The following TRPV6 variants were observed in gnomAD, a reference collection of about 807,000 sequenced individuals.
The protein encoded by TRPV6 is Alu-binding protein with zinc finger domain.
Under a neutral mutation model 79.0 loss-of-function variants are expected in TRPV6, and 39 were observed. The ratio of observed to expected loss-of-function variants is 0.49; its 90% confidence interval spans 0.38 to 0.64. The LOEUF is 0.64. Among genes scored for constraint, TRPV6 ranks in the 30% least tolerant of loss-of-function variants. The pLI, the probability that TRPV6 is intolerant of heterozygous loss-of-function variation, is 0.00. For synonymous variants in TRPV6, 373 were observed against 391.9 expected (o/e 0.95, Z 0.57); for missense variants, 813 against 1,011.1 (o/e 0.80, Z 2.66).
chr7:142,875,892 G>A lies in TRPV6; in HGVS notation c.895C>T (p.Leu299=), dbSNP rs755823257. The A allele has an allele frequency of 6.3e-7, 1 of 1,584,782 alleles. No homozygotes were observed. The highest frequency in any genetic ancestry group is 8.6e-7 in the Non-Finnish European group (1 of 1,167,006). ...TGGGTGTGCTTCCGCTTCTGCATCA[G>A]GTGCTGAAACATCTAAGGGAAAGTG... The change falls in exon 7 of 15, where the codon CTG becomes TTG. Residue 299 remains leucine (L), a synonymous_variant. Transcript: ENST00000359396.
Position 142,875,125 on chromosome 7 carries a change from C to T in TRPV6, c.1282G>A (p.Gly428Arg), listed in dbSNP as rs1327315227. ...GCCCCAATGACAGTCACCAGCTCCC[C>T]GACCAGCCGGATATCGTCCTTAGGG... The change falls in exon 9 of 15, where the codon GGG becomes AGG. Residue 428 changes from glycine (G) to arginine (R), a missense_variant. Around this residue, in one of 3 missense-constraint regions of TRPV6, gnomAD observed 555 missense variants for 631.0 expected, o/e 0.88. Transcript: ENST00000359396. The T allele has an allele frequency of 4.3e-6, 7 of 1,613,936 alleles. No homozygotes were observed. The highest frequency in any genetic ancestry group is 2.2e-5 in the East Asian group (1 of 44,858).
At position 142,876,847 on chromosome 7, in the gene TRPV6, CAG is replaced by C. The variant is rs748717600; in HGVS notation, c.608-12_608-11del. 2 of 1,614,014 alleles carry C rather than the reference CAG, an allele frequency of 1.2e-6. No homozygotes were observed. Among genetic ancestry groups the C allele is most frequent in the East Asian group, 2.2e-5 (1 of 44,878 alleles). ...GACAAAGGGTGCTCCCCTGTGGACACAGAGAGATCTATGGTAGGAGAGTGCAG... is the reference window on the plus strand; with the variant it reads ...GACAAAGGGTGCTCCCCTGTGGACACAGAGATCTATGGTAGGAGAGTGCAG... On this transcript the variant is annotated splice_polypyrimidine_tract_variant and intron_variant, in intron 4 of 14. Transcript: ENST00000359396.
Position 142,874,472 on chromosome 7 carries a change from G to A in TRPV6, c.1572+19C>T. The A allele has an allele frequency of 2.5e-6, 4 of 1,613,808 alleles. No individual in the cohort carries two copies. The highest frequency in any genetic ancestry group is 3.4e-6 in the Non-Finnish European group (4 of 1,179,734). ...TGGCTCTGGGGCCTTTCTCTAGGGA[G>A]CTTGGGGGGAGGACTGACCTTCTGA... On this transcript the variant is annotated intron_variant, in intron 11 of 14. Transcript: ENST00000359396.
Position 142,875,543 on chromosome 7 carries a change from G to A in TRPV6, c.1167C>T (p.Tyr389=). The change falls in exon 8 of 15, where the codon TAC becomes TAT. Residue 389 remains tyrosine (Y), a synonymous_variant. Coordinates refer to ENST00000359396, the MANE Select transcript of TRPV6 (RefSeq NM_018646.6). ...TATTGGTCCTGGGCTTGAGGGGGCG[G>A]TAGATGCAGCACATGGTGAAGCAGA... The A allele has an allele frequency of 1.2e-6, 2 of 1,612,556 alleles. No homozygotes were observed. The highest frequency in any genetic ancestry group is 1.7e-6 in the Non-Finnish European group (2 of 1,179,818).
intron 5 of TRPV6, 75 bp downstream of exon 5, chr7:142,876,664 G>T: frequency 6.2e-7 from 1 of 1,612,022 alleles, no homozygotes; most frequent in South Asian, 1.1e-5. Context: ...TCTTCCTGAA[G>T]GTCCCAGCCC....
At chr7:142,879,295 G>A (rs940470823) in intron 1 of TRPV6, 18 of 151,978 alleles carry the variant, frequency 1.2e-4, no homozygotes, top group African/African-American at 1.9e-4. Context: ...TCCACTTCTC[G>A]CTTGTTTTAG....
chr7:142,874,105 A>G lies in TRPV6; in HGVS notation c.1610T>C (p.Met537Thr). The change falls in exon 12 of 15, where the codon ATG (methionine) becomes ACG (threonine). Residue 537 changes from methionine (M) to threonine (T), a missense_variant. Met to Thr is a moderately conservative substitution (Grantham distance 81, BLOSUM62 -1). Transcript: ENST00000359396. Reference sequence around the variant, plus strand: ...AGCAAAGCCCAGGATGACCACAGCCATCAGCCAGCAGAATCGCATCAGGTC... The same window carrying G: ...AGCAAAGCCCAGGATGACCACAGCCGTCAGCCAGCAGAATCGCATCAGGTC... 1 of 1,613,954 alleles carries G rather than the reference A, an allele frequency of 6.2e-7. No homozygotes were observed. Among genetic ancestry groups the G allele is most frequent in the East Asian group, 2.2e-5 (1 of 44,882 alleles).
intron 1 of TRPV6, chr7:142,883,796 C>G (rs890976441): frequency 6.6e-6 from 1 of 152,256 alleles, no homozygotes; most frequent in Non-Finnish European, 1.5e-5. Flanking sequence ...CACCTGATAT[C>G]CAGCAAGAAG....
Position 142,874,995 on chromosome 7 carries a change from G to A in TRPV6, c.1330-15C>T. ...ATGTCTGGAACCTGAAGAGGTCAGGGAGACACAAAGGCACTCAGATACCGG... is the reference window on the plus strand; with the variant it reads ...ATGTCTGGAACCTGAAGAGGTCAGGAAGACACAAAGGCACTCAGATACCGG... On this transcript the variant is annotated splice_polypyrimidine_tract_variant and intron_variant, in intron 9 of 14. Transcript: ENST00000359396. The A allele has an allele frequency of 1.9e-6, 3 of 1,614,080 alleles. No homozygotes were observed. The highest frequency in any genetic ancestry group is 2.5e-6 in the Non-Finnish European group (3 of 1,180,016).
intron 1 of TRPV6, chr7:142,879,727 AC>A (rs1217075430): frequency 6.6e-6 from 1 of 152,234 alleles, no homozygotes; most frequent in East Asian, 1.9e-4. Flanking sequence ...GCTCCTGCTA[AC>A]CCTCATTAAT....
intron 11 of TRPV6, 130 bp downstream of exon 11, chr7:142,874,360 GA>G: frequency 7.6e-7 from 1 of 1,316,736 alleles, no homozygotes; most frequent in Non-Finnish European, 1.1e-6. Flanking sequence ...TGTTAAAAAA[GA>G]AGAAAAACAT....
chr7:142,882,426 C>G (rs891055153), intron 1 of TRPV6: 28 of 152,318 alleles, frequency 1.8e-4, no homozygotes, highest in African/African-American at 6.3e-4. Flanking sequence ...GGCCAAGAAT[C>G]CAGCCCCAGG....
Position 142,873,844 on chromosome 7 carries a change from T to G in TRPV6, c.1640-128A>C. 3.6e-6 allele frequency: 5 copies of G among 1,397,374 alleles called. No individual in the cohort carries two copies. In the South Asian group the frequency reaches 6.7e-5, roughly 19 times the overall value. 86.6% of individuals were successfully genotyped at this position (1,397,374 alleles called of 1,614,324 possible). Reference sequence around the variant, plus strand: ...TCACCAGCTCTGCAGTGCTCCAAACTTTGGGTTTTTACGGTCCCTAGTTTT... The same window carrying G: ...TCACCAGCTCTGCAGTGCTCCAAACGTTGGGTTTTTACGGTCCCTAGTTTT... On this transcript the variant is annotated intron_variant, in intron 12 of 14. Coordinates refer to ENST00000359396, the MANE Select transcript of TRPV6 (RefSeq NM_018646.6). The surrounding 1 kb of genome is among the most constrained non-coding windows in gnomAD (Gnocchi z 4.8).
Position 142,872,334 on chromosome 7 carries a change from G to A in TRPV6, c.2015+38C>T, listed in dbSNP as rs1047522148. 3 of 1,605,276 alleles carry A rather than the reference G, an allele frequency of 1.9e-6. No individual in the cohort carries two copies. In the African/African-American group the frequency reaches 4.0e-5, roughly 21 times the overall value. On this transcript the variant is annotated intron_variant, in intron 14 of 14. Transcript: ENST00000359396. ...GAGCAGGGGGATACCCTGCCGATGAGGCTTCTCAGGGGACACCTACCCCCG... is the reference window on the plus strand; with the variant it reads ...GAGCAGGGGGATACCCTGCCGATGAAGCTTCTCAGGGGACACCTACCCCCG...
chr7:142,883,248 G>A (rs1025569726), intron 1 of TRPV6: 6 of 152,182 alleles, frequency 3.9e-5, no homozygotes, highest in Non-Finnish European at 8.8e-5. Context: ...AGCTCGACTT[G>A]GATCCCAGCA....
intron 1 of TRPV6, chr7:142,878,831 A>T (rs1449574444): frequency 6.6e-6 from 1 of 152,208 alleles, no homozygotes; most frequent in Non-Finnish European, 1.5e-5. Context: ...AGAAATGGAA[A>T]TGCTCTGGCG....
chr7:142,874,617 C>T lies in TRPV6; in HGVS notation c.1446G>A (p.Met482Ile). ...CCTCCCCGCTGGCACTGATGAGCCG[C>T]ATCACCATGGTCACCAGCACCATGA... Residue 482 changes from methionine to isoleucine, a missense_variant, in exon 11 of 15, where the codon ATG becomes ATA. By Grantham distance (10) the Met-to-Ile change is conservative. Around this residue, in one of 3 missense-constraint regions of TRPV6, gnomAD observed 555 missense variants for 631.0 expected, o/e 0.88. Transcript: ENST00000359396. The T allele has an allele frequency of 6.2e-7, 1 of 1,614,086 alleles. No homozygotes were observed. The highest frequency in any genetic ancestry group is 8.5e-7 in the Non-Finnish European group (1 of 1,180,008).
chr7:142,874,455 G>A, intron 11 of TRPV6, 36 bp downstream of exon 11: 1 of 1,612,036 alleles, frequency 6.2e-7, no homozygotes, highest in Non-Finnish European at 8.5e-7. Flanking sequence ...TGTGGCTCTG[G>A]GGCCTTTCTC....
In TRPV6 at chr7:142,875,914, A is replaced by G. The variant is rs200770372; in HGVS notation, c.883-10T>C. ...TCAGGTGCTGAAACATCTAAGGGAA[A>G]GTGAAGATGACTCAGGAGCAGTAAG... On this transcript the variant is annotated splice_polypyrimidine_tract_variant and intron_variant, in intron 6 of 14. Transcript: ENST00000359396. 1.5e-5 allele frequency: 23 copies of G among 1,565,314 alleles called. No homozygotes were observed. The highest frequency in any genetic ancestry group is 1.9e-5 in the Non-Finnish European group (22 of 1,155,932).
Sources: allele counts gnomAD v4.1 joint callset, GRCh38; gene constraint gnomAD v4.1.1; regional missense constraint gnomAD v4.1.1; non-coding constraint Gnocchi (gnomAD v3.1); transcripts MANE v1.5; gene names NCBI Gene and HGNC (gene_info 2026-07-23, HGNC 2026-07-21).